GABRG1: variants seen among roughly 807,000 people sequenced by gnomAD.
GABRG1 encodes the protein gamma-aminobutyric acid type A receptor subunit gamma1, also known as gamma-aminobutyric acid receptor subunit gamma-1.
A neutral mutation model predicts 49.8 loss-of-function variants in GABRG1; 49 were observed. The observed-to-expected ratio is 0.98, with a 90% CI of 0.78 to 1.25. The LOEUF (loss-of-function observed/expected upper bound fraction) is 1.25, where lower values mean the gene tolerates loss of function less well. Among genes scored for constraint, GABRG1 ranks in the 50% most tolerant of loss-of-function variants. GABRG1 has a pLI of 0.00. For synonymous variants in GABRG1, 232 were observed against 185.1 expected, an observed-to-expected ratio of 1.25 and a Z score of -2.06; for missense variants, 552 against 552.3, an observed-to-expected ratio of 1.00 and a Z score of 0.01.
rs556912661 is a variant in GABRG1, at chr4:46,043,470, A to G, written c.1132-2216T>C. 1.2e-4 allele frequency among the ~76,000 whole-genome samples: 18 copies of G among 152,210 alleles called. No individual in the cohort carries two copies. In the South Asian group the frequency reaches 3.7e-3, roughly 32 times the overall value. ...TGGACATATAAATGCTGAGAAAAAT[A>G]GCCAAAAATCTAACACAATGTCAAT... On this transcript the variant is annotated intron_variant, in intron 8 of 8. Transcript: ENST00000295452.
intron 1 of GABRG1, among the ~76,000 whole-genome samples, chr4:46,101,146 A>AGGAG (rs1720366265): frequency 6.6e-6 from 1 of 151,580 alleles, no homozygotes; most frequent in Admixed American, 6.6e-5. Flanking sequence ...TTTAAAAATA[A>AGGAG]TACTCTGAGA....
intron 2 of GABRG1, among the ~76,000 whole-genome samples, chr4:46,095,803 T>C (rs1720146441): frequency 6.6e-6 from 1 of 151,854 alleles, no homozygotes; most frequent in African/African-American, 2.4e-5. Context: ...ATACCAATGA[T>C]GAGAATTTTT....
chr4:46,063,655 G>A (rs1718797293), intron 5 of GABRG1, among the ~76,000 whole-genome samples: 1 of 152,064 alleles, frequency 6.6e-6, no homozygotes, highest in South Asian at 2.1e-4. Flanking sequence ...AAAAGCAATG[G>A]CAACAAAAGC....
At chr4:46,117,375 A>T (rs888216057) in intron 1 of GABRG1, among the ~76,000 whole-genome samples, 20 of 150,438 alleles carry the variant, frequency 1.3e-4, no homozygotes, top group African/African-American at 4.6e-4. Context: ...TCTACATTTC[A>T]GGATTTCAAA....
At chr4:46,089,792 G>A (rs1054473756) in intron 2 of GABRG1, among the ~76,000 whole-genome samples, 3 of 151,786 alleles carry the variant, frequency 2.0e-5, no homozygotes, top group Non-Finnish European at 2.9e-5. Flanking sequence ...GTGAAACCCC[G>A]TCTCTACAAA....
Position 46,038,268 on chromosome 4 carries a change from T to C in GABRG1, c.*2720A>G, listed in dbSNP as rs1717610609. ...ATTTAAGTGAGCCTAATTTTGTCCATGGAATTCGAAGATAAATAAAATATT... is the reference window on the plus strand; with the variant it reads ...ATTTAAGTGAGCCTAATTTTGTCCACGGAATTCGAAGATAAATAAAATATT... On this transcript the variant is annotated 3_prime_UTR_variant, in exon 9 of 9. Coordinates refer to ENST00000295452, the MANE Select transcript of GABRG1 (RefSeq NM_173536.4). The C allele has an allele frequency of 6.6e-6, 1 of 151,616 alleles. No individual in the cohort carries two copies. The highest frequency in any genetic ancestry group is 2.4e-5 in the African/African-American group (1 of 41,370). 9.4% of individuals were successfully genotyped at this position (151,616 alleles called of 1,614,324 possible).
intron 1 of GABRG1, among the ~76,000 whole-genome samples, chr4:46,107,466 A>C (rs1447532874): frequency 6.6e-6 from 1 of 150,928 alleles, no homozygotes; most frequent in African/African-American, 2.4e-5. Flanking sequence ...ATTGTTACTC[A>C]GTTCCTTCCT....
chr4:46,096,918 C>A (rs1720182957), intron 2 of GABRG1, among the ~76,000 whole-genome samples: 2 of 151,636 alleles, frequency 1.3e-5, no homozygotes, highest in Admixed American at 1.3e-4. Context: ...CAAATATTAG[C>A]TCTTTTATGA....
chr4:46,083,322 T>C (rs1315895836), intron 3 of GABRG1, among the ~76,000 whole-genome samples: 2 of 151,736 alleles, frequency 1.3e-5, no homozygotes, highest in East Asian at 1.9e-4. Flanking sequence ...TAACCCTAAC[T>C]TGGACTCTTA....
intron 1 of GABRG1, among the ~76,000 whole-genome samples, chr4:46,100,724 C>CAAAATT (rs1553883141): frequency 9.6e-6 from 1 of 104,214 alleles, no homozygotes; most frequent in Admixed American, 9.9e-5. Context: ...AAAAAAAAAG[C>CAAAATT]TTTTTCTGTT....
At chr4:46,071,614 T>A (rs979499379) in intron 3 of GABRG1, among the ~76,000 whole-genome samples, 1 of 151,708 alleles carries the variant, frequency 6.6e-6, no homozygotes, top group Non-Finnish European at 1.5e-5. Flanking sequence ...TTATTGCCCC[T>A]GAAGACCTTC....
intron 2 of GABRG1, among the ~76,000 whole-genome samples, chr4:46,090,349 A>C (rs188775560): frequency 1.0e-3 from 158 of 152,186 alleles, no homozygotes; most frequent in African/African-American, 3.7e-3. Flanking sequence ...TAAAATGCAA[A>C]ACTCATGGAG....
intron 1 of GABRG1, among the ~76,000 whole-genome samples, chr4:46,113,467 C>A (rs979619962): frequency 6.6e-6 from 1 of 150,884 alleles, no homozygotes; most frequent in Non-Finnish European, 1.5e-5. Context: ...TCTCTTGACA[C>A]TTGGGGATTA....
chr4:46,115,421 T>G (rs201816469), intron 1 of GABRG1, among the ~76,000 whole-genome samples: 1 of 150,808 alleles, frequency 6.6e-6, no homozygotes, highest in Admixed American at 6.6e-5. Context: ...ACACAGTAAA[T>G]TGTTATATAT....
At chr4:46,084,875 TA>T (rs1198403929) in intron 2 of GABRG1, among the ~76,000 whole-genome samples, 1 of 151,636 alleles carries the variant, frequency 6.6e-6, no homozygotes, top group African/African-American at 2.4e-5. Flanking sequence ...TGAGTTGCTT[TA>T]ACTGTTTCTC....
At chr4:46,062,696 G>C (rs1042014396) in intron 5 of GABRG1, among the ~76,000 whole-genome samples, 3 of 151,986 alleles carry the variant, frequency 2.0e-5, no homozygotes, top group East Asian at 3.9e-4. Flanking sequence ...GGAAATGAAG[G>C]GTATTCAATT....
At chr4:46,056,379 CT>C (rs1249697437) in intron 7 of GABRG1, among the ~76,000 whole-genome samples, 2 of 152,060 alleles carry the variant, frequency 1.3e-5, no homozygotes, top group East Asian at 3.9e-4. Flanking sequence ...ATGGTTCCCC[CT>C]GCCTGGAATA....
intron 3 of GABRG1, among the ~76,000 whole-genome samples, chr4:46,083,016 A>T (rs1719631108): frequency 6.6e-6 from 1 of 151,542 alleles, no homozygotes; most frequent in Non-Finnish European, 1.5e-5. Context: ...CTGATAGCAA[A>T]TCTATAAGGC....
In GABRG1 at chr4:46,037,390, C is replaced by T. The variant is rs574263257; in HGVS notation, c.*3598G>A. The stretch of plus-strand genomic sequence containing the variant: ...TAACTGTATAGAAGCCTGGCAAGAC[C>T]TTCCTAGCAGTAAAAAGCAATAAAG... On this transcript the variant is annotated 3_prime_UTR_variant, in exon 9 of 9. Coordinates refer to ENST00000295452, the MANE Select transcript of GABRG1 (RefSeq NM_173536.4). 1 of 151,702 alleles carries T rather than the reference C, an allele frequency of 6.6e-6. No homozygotes were observed. Among genetic ancestry groups the T allele is most frequent in the African/African-American group, 2.4e-5 (1 of 41,356 alleles). 9.4% of individuals were successfully genotyped at this position (151,702 alleles called of 1,614,324 possible). A position where few individuals can be genotyped will look rare whatever the true frequency, so the allele number is the denominator to read the frequency against.
Sources: gnomAD v4.1 joint callset for allele counts (sites outside exome capture counted in the v4.1 genomes callset) on GRCh38, gnomAD v4.1.1 for gene constraint, MANE v1.5 for transcripts, NCBI Gene and HGNC (gene_info 2026-07-23, HGNC 2026-07-21) for gene names.